The following FRMPD1 variants were observed in gnomAD, a reference collection of about 807,000 sequenced individuals.
FRMPD1 encodes the protein FERM and PDZ domain-containing protein 1.
FRMPD1 carries 76 observed loss-of-function variants against 117.8 expected under a neutral mutation model. The observed-to-expected ratio is 0.65, with a 90% CI of 0.54 to 0.78. The LOEUF (loss-of-function observed/expected upper bound fraction) is 0.78, where lower values mean the gene tolerates loss of function less well. FRMPD1 is among the 30% of genes least tolerant of loss of function. The pLI, the probability that FRMPD1 is intolerant of heterozygous loss-of-function variation, is 0.00. For synonymous variants in FRMPD1, 783 were observed against 770.4 expected, an observed-to-expected ratio of 1.02 and a Z score of -0.27; for missense variants, 1,786 against 1,964.5, an observed-to-expected ratio of 0.91 and a Z score of 1.72.
intron 1 of FRMPD1, among the ~76,000 whole-genome samples, chr9:37,682,169 A>C (rs1488368509): frequency 6.6e-6 from 1 of 152,238 alleles, no homozygotes; most frequent in Non-Finnish European, 1.5e-5. Flanking sequence ...TGACAGGAGA[A>C]GAATGGGCCT....
At chr9:37,617,218 C>A in the FRMPD1 span, among the ~76,000 whole-genome samples, 2 of 152,178 alleles carry the variant, frequency 1.3e-5, no homozygotes, top group African/African-American at 4.8e-5. Context: ...AAACTTTTTT[C>A]CCTTTATGCC....
intron 5 of FRMPD1, among the ~76,000 whole-genome samples, chr9:37,715,176 A>C (rs1823067028): frequency 6.6e-6 from 1 of 152,178 alleles, no homozygotes; most frequent in African/African-American, 2.4e-5. Context: ...ATTGTCTATA[A>C]TACATTAATT....
chr9:37,641,279 C>T, the FRMPD1 span, among the ~76,000 whole-genome samples: 1 of 152,314 alleles, frequency 6.6e-6, no homozygotes, highest in South Asian at 2.1e-4. Context: ...GACCCAAACT[C>T]CACCAGTTTC....
At position 37,711,520 on chromosome 9, in the gene FRMPD1, G is replaced by A. The variant is rs867583988; in HGVS notation, c.408+125G>A. The A allele has an allele frequency of 5.4e-5, 40 of 740,730 alleles. 2 individuals are homozygous for A. The Middle Eastern group carries it at 8.0e-3, about 148-fold the overall frequency. The allele number at this position is 740,730 out of a possible 1,614,324, so 45.9% of individuals were successfully genotyped here. A position where few individuals can be genotyped will look rare whatever the true frequency, so the allele number is the denominator to read the frequency against. The stretch of plus-strand genomic sequence containing the variant: ...AAAGGGTGGAGGGTGACAGCTGCCC[G>A]GCAGTGGGTGGCCAGTCAGTCCATG... On this transcript the variant is annotated intron_variant, in intron 5 of 15. Transcript: ENST00000377765.
intron 1 of FRMPD1, among the ~76,000 whole-genome samples, chr9:37,652,531 C>T (rs758024097): frequency 6.6e-6 from 1 of 152,174 alleles, no homozygotes; most frequent in Non-Finnish European, 1.5e-5. Context: ...CCTTCCTCGA[C>T]ATCCTGGTTT....
chr9:37,629,113 C>T, the FRMPD1 span, among the ~76,000 whole-genome samples: 1 of 152,024 alleles, frequency 6.6e-6, no homozygotes, highest in African/African-American at 2.4e-5. Context: ...GCAGGAGAAT[C>T]GCTTGAACTC....
Position 37,744,415 on chromosome 9 carries a change from C to A in FRMPD1, c.2383C>A (p.Pro795Thr). 1 of 1,609,878 alleles carries A rather than the reference C, an allele frequency of 6.2e-7. No individual in the cohort carries two copies. Among genetic ancestry groups the A allele is most frequent in the Non-Finnish European group, 8.5e-7 (1 of 1,177,890 alleles). Reference protein sequence around the residue: ...SGPRDVSTAEPSATSLQNKAS... With the variant: ...SGPRDVSTAETSATSLQNKAS... ...GCCCAGAGATGTTTCTACTGCAGAACCCAGTGCCACAAGCTTGCAGAATAA... is the reference window on the plus strand; with the variant it reads ...GCCCAGAGATGTTTCTACTGCAGAAACCAGTGCCACAAGCTTGCAGAATAA... The change falls in exon 16 of 16, where the codon CCC (proline) becomes ACC (threonine). Residue 795 changes from proline (P) to threonine (T), a missense_variant. Coordinates refer to ENST00000377765, the MANE Select transcript of FRMPD1 (RefSeq NM_014907.3).
chr9:37,616,362 C>T, the FRMPD1 span, among the ~76,000 whole-genome samples: 11 of 152,192 alleles, frequency 7.2e-5, no homozygotes, highest in South Asian at 2.3e-3. Flanking sequence ...AGTGATCCAT[C>T]CACCTTGGCC....
At chr9:37,668,045 G>GTGGCACAGA (rs1307703785) in intron 1 of FRMPD1, 1 of 152,286 alleles carries the variant, frequency 6.6e-6, no homozygotes, top group East Asian at 1.9e-4. Flanking sequence ...CAAGTATTAT[G>GTGGCACAGA]TGGCACAGAA....
intron 8 of FRMPD1, among the ~76,000 whole-genome samples, chr9:37,730,493 A>G (rs558180492): frequency 6.6e-6 from 1 of 152,320 alleles, no homozygotes; most frequent in Non-Finnish European, 1.5e-5. Flanking sequence ...ATTCTTACCC[A>G]ATGCACTCAC....
intron 2 of FRMPD1, among the ~76,000 whole-genome samples, chr9:37,699,321 CTTTT>C (rs3076723): frequency 1.4e-5 from 2 of 137,952 alleles, no homozygotes; most frequent in African/African-American, 2.7e-5. Flanking sequence ...CTGTCTCTCT[CTTTT>C]TTTTTTTTTT....
intron 15 of FRMPD1, among the ~76,000 whole-genome samples, chr9:37,742,052 C>T (rs1442855169): frequency 6.6e-6 from 1 of 152,220 alleles, no homozygotes; most frequent in Non-Finnish European, 1.5e-5. Context: ...TGTTTCTCTC[C>T]ATCACTAGAC....
chr9:37,712,268 A>G (rs1822935022), intron 5 of FRMPD1, among the ~76,000 whole-genome samples: 1 of 152,214 alleles, frequency 6.6e-6, no homozygotes, highest in Admixed American at 6.5e-5. Context: ...ATAAAAATGT[A>G]ATTTCCTAAG....
chr9:37,723,067 T>A (rs1364844715), intron 6 of FRMPD1, among the ~76,000 whole-genome samples: 1 of 152,108 alleles, frequency 6.6e-6, no homozygotes, highest in East Asian at 1.9e-4. Flanking sequence ...TCTAGGGTGA[T>A]AATTGGGGTG....
chr9:37,666,493 C>G (rs1257114826), intron 1 of FRMPD1, among the ~76,000 whole-genome samples: 1 of 152,178 alleles, frequency 6.6e-6, no homozygotes, highest in Non-Finnish European at 1.5e-5. Flanking sequence ...CCAGTGCCAT[C>G]TCCCTTCTGT....
chr9:37,716,568 T>C (rs1823129198), intron 5 of FRMPD1, among the ~76,000 whole-genome samples: 1 of 152,232 alleles, frequency 6.6e-6, no homozygotes, highest in Non-Finnish European at 1.5e-5. Flanking sequence ...TCTTCCAGGA[T>C]TTATCTCCCG....
In FRMPD1 at chr9:37,711,384, C is replaced by A; in HGVS notation, c.397C>A (p.Arg133Ser). 1 of 1,607,956 alleles carries A rather than the reference C, an allele frequency of 6.2e-7. No individual in the cohort carries two copies. Among genetic ancestry groups the A allele is most frequent in the Non-Finnish European group, 8.5e-7 (1 of 1,174,438 alleles). The stretch of plus-strand genomic sequence containing the variant: ...AGATTCTCTTTCAATCACAGTTGTT[C>A]GCTGCACGTCGGTAAATCTCTTTCT... ...AEDSLSITVV[R>S]CTSGVPKSSF... Residue 133 changes from arginine to serine, a missense_variant, in exon 5 of 16, where the codon CGC (arginine) becomes AGC (serine). Transcript: ENST00000377765.
chr9:37,734,173 G>A lies in FRMPD1; in HGVS notation c.1218+348G>A, dbSNP rs1824019625. Among the ~76,000 whole-genome samples the A allele has an allele frequency of 2.0e-5, 3 of 152,286 alleles. No individual in the cohort carries two copies. The South Asian group carries it at 6.2e-4, about 32-fold the overall frequency. On this transcript the variant is annotated intron_variant, in intron 12 of 15. Coordinates refer to ENST00000377765, the MANE Select transcript of FRMPD1 (RefSeq NM_014907.3). The stretch of plus-strand genomic sequence containing the variant: ...CTGCTTGCTTCAGGGTAAGTATAGG[G>A]AGGAGAAGGGGTTAAGGAAAGAGGC...
chr9:37,686,290 T>TTGGTGTGCTCACTCTGGTG (rs1821939944), intron 1 of FRMPD1, among the ~76,000 whole-genome samples: 1 of 152,154 alleles, frequency 6.6e-6, no homozygotes, highest in African/African-American at 2.4e-5. Context: ...GAGGGCAGCA[T>TTGGTGTGCTCACTCTGGTG]TGGTGTGGAG....
Sources: allele counts gnomAD v4.1 joint callset (sites outside exome capture counted in the v4.1 genomes callset), GRCh38; gene constraint gnomAD v4.1.1; transcripts MANE v1.5; gene names NCBI Gene and HGNC (gene_info 2026-07-23, HGNC 2026-07-21).